CNTN4: variants seen among roughly 807,000 people sequenced by gnomAD.
The protein encoded by CNTN4 is contactin 4, also known as contactin-4.
CNTN4 carries 77 observed loss-of-function variants against 122.5 expected under a neutral mutation model. The observed-to-expected ratio is 0.63, with a 90% CI of 0.52 to 0.76. The LOEUF (loss-of-function observed/expected upper bound fraction) is 0.76, where lower values mean the gene tolerates loss of function less well. Ranked by LOEUF, CNTN4 falls within the 30% of genes least tolerant of loss-of-function variation. The pLI is 0.00. For missense variants in CNTN4, 1,256 were observed against 1,259.1 expected (o/e 1.00, Z 0.04); for synonymous variants, 512 against 447.0 (o/e 1.15, Z -1.83).
At chr3:2,173,984 G>T (rs1418775826) in intron 2 of CNTN4, among the ~76,000 whole-genome samples, 1 of 152,152 alleles carries the variant, frequency 6.6e-6, no homozygotes, top group African/African-American at 2.4e-5. Context: ...AACTAGAAGG[G>T]TGACGATCTT....
At chr3:2,736,118 A>C in intron 4 of CNTN4, 97 bp from the exon 5 acceptor site, 3 of 1,248,720 alleles carry the variant, frequency 2.4e-6, no homozygotes, top group Non-Finnish European at 3.5e-6. Flanking sequence ...ATTTTTTGTT[A>C]ATTTCTTTCT....
chr3:2,990,172 C>T (rs1694931692), intron 14 of CNTN4, among the ~76,000 whole-genome samples: 1 of 151,750 alleles, frequency 6.6e-6, no homozygotes, highest in Non-Finnish European at 1.5e-5. Flanking sequence ...TGTTTATAAA[C>T]ATGTTTTCAT....
chr3:2,290,636 G>A (rs894321275), intron 2 of CNTN4, among the ~76,000 whole-genome samples: 2 of 152,138 alleles, frequency 1.3e-5, no homozygotes, highest in South Asian at 2.1e-4. Flanking sequence ...CATGATGAAA[G>A]AACTACAGGT....
chr3:2,531,581 A>G (rs1298284698), intron 3 of CNTN4, among the ~76,000 whole-genome samples: 2 of 152,184 alleles, frequency 1.3e-5, no homozygotes, highest in African/African-American at 4.8e-5. Context: ...GGAGAGTAGT[A>G]TAATGATTGC....
rs183759392 is a variant in CNTN4, at chr3:2,513,188, G to A, written c.-88-58228G>A. On this transcript the variant is annotated intron_variant, in intron 3 of 24. Transcript: ENST00000418658. Reference sequence around the variant, plus strand: ...GCCTGCTAATGAAATCTGAAGTAACGGCAAGTGGTTTTGATGGCTATATGG... The same window carrying A: ...GCCTGCTAATGAAATCTGAAGTAACAGCAAGTGGTTTTGATGGCTATATGG... Among the ~76,000 whole-genome samples, 340 of 152,228 alleles carry A rather than the reference G, an allele frequency of 2.2e-3. 2 individuals carry two copies. Among genetic ancestry groups the A allele is most frequent in the African/African-American group, 7.9e-3 (329 of 41,542 alleles).
intron 6 of CNTN4, among the ~76,000 whole-genome samples, chr3:2,764,287 C>A (rs577910858): frequency 3.9e-5 from 6 of 152,078 alleles, no homozygotes; most frequent in African/African-American, 1.4e-4. Flanking sequence ...ATGTTTGTGA[C>A]AAAGGAAATT....
chr3:2,220,208 C>T (rs1374429582), intron 2 of CNTN4, among the ~76,000 whole-genome samples: 1 of 152,068 alleles, frequency 6.6e-6, no homozygotes. Flanking sequence ...TTCTGGATTT[C>T]CCCAGATCTT....
intron 4 of CNTN4, among the ~76,000 whole-genome samples, chr3:2,659,957 C>T (rs2083797009): frequency 6.6e-6 from 1 of 152,148 alleles, no homozygotes; most frequent in African/African-American, 2.4e-5. Context: ...TCTCACTATA[C>T]CTTGTACATG....
rs145842508 is a variant in CNTN4, at chr3:3,043,038, A to G, written c.2573A>G (p.Asn858Ser). 84 of 1,614,196 alleles carry G rather than the reference A, an allele frequency of 5.2e-5. No individual in the cohort carries two copies. Among genetic ancestry groups the G allele is most frequent in the Non-Finnish European group, 6.7e-5 (79 of 1,180,006 alleles). Reference sequence around the variant, plus strand: ...GCTAGAAAAATACGAACAGTTGGAAATCAGACATCAACAAAAATCACGAAC... The same window carrying G: ...GCTAGAAAAATACGAACAGTTGGAAGTCAGACATCAACAAAAATCACGAAC... ...ENARKIRTVG[N>S]QTSTKITNLK... The change falls in exon 22 of 25, where the codon AAT becomes AGT. Residue 858 changes from asparagine (N) to serine (S), a missense_variant. Physicochemically the swap from Asn to Ser is conservative, Grantham distance 46. Coordinates refer to ENST00000418658, the MANE Select transcript of CNTN4 (RefSeq NM_175607.3).
intron 3 of CNTN4, among the ~76,000 whole-genome samples, chr3:2,374,160 G>A (rs1332444703): frequency 6.6e-6 from 1 of 152,166 alleles, no homozygotes; most frequent in Non-Finnish European, 1.5e-5. Context: ...CACGTAGAAG[G>A]TGATATGCAT....
intron 2 of CNTN4, among the ~76,000 whole-genome samples, chr3:2,328,299 G>A (rs919935824): frequency 4.0e-5 from 6 of 150,472 alleles, no homozygotes; most frequent in Admixed American, 1.3e-4. Context: ...CCAGCTACTC[G>A]GGAGGCTGAG....
At chr3:2,190,810 A>G (rs1199032531) in intron 2 of CNTN4, among the ~76,000 whole-genome samples, 1 of 131,520 alleles carries the variant, frequency 7.6e-6, no homozygotes, top group Non-Finnish European at 1.8e-5. Flanking sequence ...CTTTATGCAC[A>G]CACACACACA....
At chr3:2,742,036 C>T (rs2089483622) in intron 5 of CNTN4, among the ~76,000 whole-genome samples, 1 of 152,148 alleles carries the variant, frequency 6.6e-6, no homozygotes, top group Non-Finnish European at 1.5e-5. Flanking sequence ...CTAAAGCATT[C>T]CTCTTGTTGA....
chr3:2,901,388 C>A (rs1373790650), intron 11 of CNTN4, among the ~76,000 whole-genome samples: 2 of 152,164 alleles, frequency 1.3e-5, no homozygotes, highest in African/African-American at 4.8e-5. Context: ...CTCCAGTAGG[C>A]CACCCAGAAA....
chr3:2,985,786 C>T (rs1454416472), intron 13 of CNTN4, among the ~76,000 whole-genome samples: 1 of 151,754 alleles, frequency 6.6e-6, no homozygotes, highest in Non-Finnish European at 1.5e-5. Context: ...TTCAAATTGT[C>T]AGAAGTAACA....
At chr3:2,439,858 G>T (rs933613610) in intron 3 of CNTN4, among the ~76,000 whole-genome samples, 3 of 152,122 alleles carry the variant, frequency 2.0e-5, no homozygotes, top group Admixed American at 2.0e-4. Flanking sequence ...ACACCAAGAT[G>T]GTCAAGTTCA....
At chr3:2,300,643 C>T (rs1228873013) in intron 2 of CNTN4, among the ~76,000 whole-genome samples, 2 of 139,544 alleles carry the variant, frequency 1.4e-5, no homozygotes, top group African/African-American at 5.4e-5. Context: ...ACAGTCTCGG[C>T]TCACTGCAAC....
At chr3:2,999,354 T>G (rs1029398911) in intron 14 of CNTN4, among the ~76,000 whole-genome samples, 15 of 152,150 alleles carry the variant, frequency 9.9e-5, no homozygotes, top group African/African-American at 3.6e-4. Flanking sequence ...ATCTGGGGGA[T>G]GTTTAGGAGG....
chr3:2,987,873 T>C (rs1354748817), intron 13 of CNTN4, among the ~76,000 whole-genome samples: 1 of 152,204 alleles, frequency 6.6e-6, no homozygotes, highest in Non-Finnish European at 1.5e-5. Context: ...GGCTGACATA[T>C]TTCAGAAATA....
Sources: allele counts gnomAD v4.1 joint callset (sites outside exome capture counted in the v4.1 genomes callset), GRCh38; gene constraint gnomAD v4.1.1; transcripts MANE v1.5; gene names NCBI Gene and HGNC (gene_info 2026-07-23, HGNC 2026-07-21).